The following FGF14 variants were observed in gnomAD, a reference collection of about 807,000 sequenced individuals.
FGF14 encodes fibroblast growth factor 14.
Under a neutral mutation model 25.5 loss-of-function variants are expected in FGF14, and 5 were observed. The observed-to-expected ratio is 0.20, with a 90% CI of 0.10 to 0.41. FGF14 has a LOEUF of 0.41. FGF14 is among the 10% of genes least tolerant of loss of function. The probability of loss-of-function intolerance (pLI) is 1.00; values close to 1 mark genes in which losing one functional copy is unlikely to be tolerated. For synonymous variants in FGF14, 138 were observed against 118.3 expected (o/e 1.17, Z -1.08); for missense variants, 222 against 320.1 (o/e 0.69, Z 2.34).
intron 1 of FGF14, among the ~76,000 whole-genome samples, chr13:101,963,378 C>T (rs138031121): frequency 1.3e-3 from 193 of 152,164 alleles, no homozygotes; most frequent in African/African-American, 4.5e-3. Context: ...TGAGTTGCTC[C>T]ATTTCCTTGA....
chr13:101,916,487 G>T lies in FGF14; in HGVS notation c.159C>A (p.Ile53=). ...NLVDIFSKVR[I]FGLKKRRLRR... is the part of the protein sequence containing the mutation. ...GCAACCTGCGCTTCTTGAGGCCGAAGATGCGCACTTTGGAGAAGATATCCA... is the reference window on the plus strand; with the variant it reads ...GCAACCTGCGCTTCTTGAGGCCGAATATGCGCACTTTGGAGAAGATATCCA... Residue 53 remains isoleucine (I), a synonymous_variant, in exon 1 of 5, where the codon ATC becomes ATA. Coordinates refer to ENST00000376143, the MANE Select transcript of FGF14 (RefSeq NM_004115.4). 1 of 1,613,994 alleles carries T rather than the reference G, an allele frequency of 6.2e-7. No homozygotes were observed. The highest frequency in any genetic ancestry group is 1.3e-5 in the African/African-American group (1 of 75,066).
intron 3 of FGF14, among the ~76,000 whole-genome samples, chr13:101,831,563 A>G (rs1159853015): frequency 3.3e-5 from 5 of 152,094 alleles, no homozygotes; most frequent in African/African-American, 1.2e-4. Context: ...CCGAATTGCA[A>G]TCCTAGACCA....
At chr13:101,812,866 C>A (rs889605959) in intron 3 of FGF14, among the ~76,000 whole-genome samples, 1 of 151,180 alleles carries the variant, frequency 6.6e-6, no homozygotes, top group African/African-American at 2.4e-5. Context: ...GGGGTTTCAC[C>A]ATGTTGGCCA....
chr13:101,949,899 T>TA (rs1207535193), intron 1 of FGF14, among the ~76,000 whole-genome samples: 1 of 152,202 alleles, frequency 6.6e-6, no homozygotes, highest in African/African-American at 2.4e-5. Flanking sequence ...TCCTTGAAGA[T>TA]ATGTGTAGCT....
At chr13:101,943,826 A>ATATAT (rs1248619839) in intron 1 of FGF14, among the ~76,000 whole-genome samples, 5 of 126,808 alleles carry the variant, frequency 3.9e-5, no homozygotes, top group Non-Finnish European at 7.9e-5. Flanking sequence ...AAAAAAAAAA[A>ATATAT]ATATATATAT....
intron 1 of FGF14, among the ~76,000 whole-genome samples, chr13:101,978,931 A>G (rs1302348562): frequency 1.3e-5 from 2 of 152,198 alleles, no homozygotes; most frequent in East Asian, 3.9e-4. Context: ...AGAAATGGCC[A>G]TGGTGTGATG....
intron 1 of FGF14, among the ~76,000 whole-genome samples, chr13:102,362,336 A>G (rs948946649): frequency 3.9e-5 from 6 of 152,144 alleles, no homozygotes; most frequent in African/African-American, 9.7e-5. Flanking sequence ...ATTCAAGCCT[A>G]TGTCAAGTAT....
chr13:102,209,510 G>C (rs1449599475), intron 1 of FGF14, among the ~76,000 whole-genome samples: 1 of 152,206 alleles, frequency 6.6e-6, no homozygotes, highest in Non-Finnish European at 1.5e-5. Flanking sequence ...CCCTGCACCA[G>C]CTAGACAGGG....
intron 1 of FGF14, among the ~76,000 whole-genome samples, chr13:102,345,537 A>G (rs2057080467): frequency 6.6e-6 from 1 of 152,142 alleles, no homozygotes; most frequent in African/African-American, 2.4e-5. Flanking sequence ...TCCCTTTCTA[A>G]AGTAAAAAGC....
intron 1 of FGF14, among the ~76,000 whole-genome samples, chr13:101,997,801 G>A (rs376150513): frequency 6.5e-4 from 99 of 152,262 alleles, no homozygotes; most frequent in Middle Eastern, 3.4e-3. Flanking sequence ...ATTACTGTTC[G>A]TCTGTCCCCA....
chr13:102,318,304 G>A (rs2056112900), intron 1 of FGF14, among the ~76,000 whole-genome samples: 1 of 152,166 alleles, frequency 6.6e-6, no homozygotes, highest in Non-Finnish European at 1.5e-5. Flanking sequence ...GGTCCCAACT[G>A]CGTATCCTCA....
intron 1 of FGF14, among the ~76,000 whole-genome samples, chr13:101,900,833 CAAT>C (rs1252647767): frequency 1.3e-5 from 2 of 151,906 alleles, no homozygotes; most frequent in African/African-American, 4.8e-5. Context: ...TGTTATATCT[CAAT>C]AATATTTATT....
chr13:102,310,707 GGGT>G (rs1234633718), intron 1 of FGF14, among the ~76,000 whole-genome samples: 477 of 44,434 alleles, frequency 0.011, 50 homozygotes, highest in Non-Finnish European at 0.017. Context: ...GGGGGGGGGG[GGGT>G]GGGGGTTGTT....
intron 3 of FGF14, among the ~76,000 whole-genome samples, chr13:101,797,735 ATGTGTGTGTG>A (rs1555384521): frequency 0.027 from 918 of 34,062 alleles, 12 homozygotes; most frequent in African/African-American, 0.045. Flanking sequence ...TCATGAATTG[ATGTGTGTGTG>A]TGTGTGTGTG....
chr13:102,065,665 G>C (rs940692858), intron 1 of FGF14, among the ~76,000 whole-genome samples: 1 of 151,900 alleles, frequency 6.6e-6, no homozygotes, highest in Non-Finnish European at 1.5e-5. Flanking sequence ...TCAATCCTCA[G>C]TATCCCTGGA....
intron 1 of FGF14, among the ~76,000 whole-genome samples, chr13:102,266,228 G>C (rs2052985268): frequency 6.6e-6 from 1 of 152,106 alleles, no homozygotes; most frequent in Admixed American, 6.6e-5. Context: ...GCTGACTAAA[G>C]GTGAATGACA....
intron 1 of FGF14, among the ~76,000 whole-genome samples, chr13:102,352,569 T>C (rs1341594935): frequency 2.6e-5 from 4 of 152,214 alleles, no homozygotes; most frequent in Admixed American, 1.3e-4. Context: ...TCCCAGCACG[T>C]TGGGAGGCCG....
intron 1 of FGF14, among the ~76,000 whole-genome samples, chr13:102,305,427 C>G (rs1215176321): frequency 6.6e-6 from 1 of 152,008 alleles, no homozygotes; most frequent in Non-Finnish European, 1.5e-5. Context: ...ATGTGGATTG[C>G]CTACGATAGA....
At chr13:102,264,124 G>C (rs1273246318) in intron 1 of FGF14, among the ~76,000 whole-genome samples, 1 of 151,790 alleles carries the variant, frequency 6.6e-6, no homozygotes, top group Non-Finnish European at 1.5e-5. Flanking sequence ...GATGGATTGA[G>C]ATCAAAGCTG....
Sources: allele counts gnomAD v4.1 joint callset (sites outside exome capture counted in the v4.1 genomes callset), GRCh38; gene constraint gnomAD v4.1.1; transcripts MANE v1.5; gene names NCBI Gene and HGNC (gene_info 2026-07-23, HGNC 2026-07-21).